ATAD3B: variants seen among roughly 807,000 people sequenced by gnomAD.
The protein encoded by ATAD3B is ATPase family AAA domain containing 3B, also known as ATPase family AAA domain-containing protein 3B.
Under a neutral mutation model 70.2 loss-of-function variants are expected in ATAD3B, and 59 were observed. The observed-to-expected ratio is 0.84, with a 90% CI of 0.68 to 1.04. ATAD3B has a LOEUF of 1.04. Among genes scored for constraint, ATAD3B ranks in the 50% least tolerant of loss-of-function variants. The pLI is 0.00. For synonymous variants in ATAD3B, 423 were observed against 388.6 expected (o/e 1.09, Z -1.04); for missense variants, 961 against 913.4 (o/e 1.05, Z -0.67).
chr1:1,476,666 G>A (rs1639606813), intron 1 of ATAD3B, among the ~76,000 whole-genome samples: 2 of 150,714 alleles, frequency 1.3e-5, no homozygotes, highest in South Asian at 2.1e-4. Flanking sequence ...CCGCCGCCAC[G>A]CCCGGCTAAT....
At chr1:1,503,283 G>A in the ATAD3B span, 11 of 319,656 alleles carry the variant, frequency 3.4e-5, no homozygotes, top group South Asian at 1.4e-4. Flanking sequence ...TTTACCCATC[G>A]CCTGACTTTG....
chr1:1,501,209 G>A (rs1034547304), downstream of ATAD3B, among the ~76,000 whole-genome samples: 6 of 150,162 alleles, frequency 4.0e-5, no homozygotes, highest in African/African-American at 1.2e-4. Flanking sequence ...CTGCCTCAGC[G>A]TCCTGAGTAG....
chr1:1,492,782 TAAA>T (rs1344837800), intron 15 of ATAD3B, among the ~76,000 whole-genome samples: 1 of 151,222 alleles, frequency 6.6e-6, no homozygotes, highest in Non-Finnish European at 1.5e-5. Flanking sequence ...TACTAAAAAA[TAAA>T]AAAATTATCC....
intron 1 of ATAD3B, among the ~76,000 whole-genome samples, chr1:1,472,763 G>A (rs938840733): frequency 2.0e-5 from 3 of 152,056 alleles, no homozygotes; most frequent in Admixed American, 2.0e-4. Context: ...CTAGGAGTCT[G>A]GAACGTAGAA....
intron 1 of ATAD3B, among the ~76,000 whole-genome samples, chr1:1,474,807 G>T (rs1410977834): frequency 6.6e-6 from 1 of 151,840 alleles, no homozygotes; most frequent in Non-Finnish European, 1.5e-5. Flanking sequence ...GGCCTTCCTC[G>T]GTAATTTTAA....
At chr1:1,499,146 T>C (rs1274066801), downstream of ATAD3B, among the ~76,000 whole-genome samples, 2 of 151,540 alleles carry the variant, frequency 1.3e-5, no homozygotes, top group Admixed American at 1.3e-4. Context: ...TAATTTTTTG[T>C]ATTTTTAGTA....
At chr1:1,503,754 G>A in the ATAD3B span, 3 of 1,557,620 alleles carry the variant, frequency 1.9e-6, no homozygotes, top group Non-Finnish European at 1.7e-6. Flanking sequence ...TAGGGCTGGT[G>A]GCATGTACAT....
At chr1:1,499,865 A>T (rs1187060220), downstream of ATAD3B, among the ~76,000 whole-genome samples, 2 of 149,428 alleles carry the variant, frequency 1.3e-5, no homozygotes, top group Non-Finnish European at 3.0e-5. Flanking sequence ...AAGTGCCGGG[A>T]TTACAGGCGT....
At chr1:1,490,174 C>A in intron 13 of ATAD3B, 83 bp from the exon 14 acceptor site, 1 of 1,548,822 alleles carries the variant, frequency 6.5e-7, no homozygotes. Context: ...AAAGTCTCCC[C>A]GAGGGGGCTG....
chr1:1,475,974 T>C (rs1306063985), intron 1 of ATAD3B, among the ~76,000 whole-genome samples: 2 of 149,848 alleles, frequency 1.3e-5, no homozygotes, highest in East Asian at 2.0e-4. Context: ...TTCCTGTCAC[T>C]GCTCTGTGGC....
Position 1,480,883 on chromosome 1 carries a change from A to C in ATAD3B, c.461A>C (p.Glu154Ala). The change falls in exon 5 of 16, where the codon GAG becomes GCG. Residue 154 changes from glutamate to alanine, a missense_variant. Coordinates refer to ENST00000673477, the MANE Select transcript of ATAD3B (RefSeq NM_031921.6). ...QLKQQQLLNE[E>A]NLRKQEESVQ... ...TCTTCTCAGCAACTTCTCAATGAGGAGAATTTACGGAAGCAGGAGGAGTCC... is the reference window on the plus strand; with the variant it reads ...TCTTCTCAGCAACTTCTCAATGAGGCGAATTTACGGAAGCAGGAGGAGTCC... 1 of 1,593,346 alleles carries C rather than the reference A, an allele frequency of 6.3e-7. No homozygotes were observed. Among genetic ancestry groups the C allele is most frequent in the Non-Finnish European group, 8.5e-7 (1 of 1,171,876 alleles).
the ATAD3B span, among the ~76,000 whole-genome samples, chr1:1,508,879 C>G: frequency 1.3e-5 from 2 of 151,670 alleles, no homozygotes. Flanking sequence ...ACGGCTGAGA[C>G]ACGCAGAGGG....
In ATAD3B at chr1:1,479,884, G is replaced by A. The variant is rs1355829138; in HGVS notation, c.444+776G>A. On this transcript the variant is annotated intron_variant, in intron 4 of 15. Coordinates refer to ENST00000673477, the MANE Select transcript of ATAD3B (RefSeq NM_031921.6). Reference sequence around the variant, plus strand: ...CGGGCCTGCACACACACCCCCACACGGGCATGCACACGCCCACACACACGG... The same window carrying A: ...CGGGCCTGCACACACACCCCCACACAGGCATGCACACGCCCACACACACGG... Among the ~76,000 whole-genome samples the A allele has an allele frequency of 1.6e-4, 21 of 127,736 alleles. 2 individuals carry two copies. Among genetic ancestry groups the A allele is most frequent in the African/African-American group, 5.2e-4 (17 of 32,636 alleles). 83.8% of individuals were successfully genotyped at this position (127,736 alleles called of 152,430 possible).
chr1:1,490,039 G>T, intron 13 of ATAD3B: 1 of 1,396,410 alleles, frequency 7.2e-7, no homozygotes, highest in Non-Finnish European at 9.3e-7. Context: ...GGCAAGAACA[G>T]AGGCCCGAGA....
At chr1:1,476,013 G>C (rs1353739107) in intron 1 of ATAD3B, among the ~76,000 whole-genome samples, 2 of 148,128 alleles carry the variant, frequency 1.4e-5, no homozygotes, top group East Asian at 4.0e-4. Flanking sequence ...CACACCCTCA[G>C]TCCCCTCGGG....
At chr1:1,486,732 A>G in intron 11 of ATAD3B, 64 bp downstream of exon 11, 1 of 1,479,682 alleles carries the variant, frequency 6.8e-7, no homozygotes, top group South Asian at 1.3e-5. Flanking sequence ...CCTTCTGGGA[A>G]GGGGGTCCAG....
chr1:1,476,314 C>A (rs1161029426), intron 1 of ATAD3B, among the ~76,000 whole-genome samples: 1 of 148,626 alleles, frequency 6.7e-6, no homozygotes, highest in Non-Finnish European at 1.5e-5. Context: ...CGGCACTTCC[C>A]CCTGCGTCAG....
intron 14 of ATAD3B, 67 bp downstream of exon 14, chr1:1,490,491 T>C (rs762536872): frequency 1.2e-6 from 2 of 1,611,092 alleles, no homozygotes; most frequent in East Asian, 2.2e-5. Flanking sequence ...GCCAGCTGCC[T>C]GTCTTCCGGC....
chr1:1,506,406 CT>C, the ATAD3B span, among the ~76,000 whole-genome samples: 94 of 144,132 alleles, frequency 6.5e-4, no homozygotes, highest in Non-Finnish European at 6.7e-4. Flanking sequence ...GTCTGGTTTT[CT>C]TTTTTTTTTT....
Sources: gnomAD v4.1 joint callset for allele counts (sites outside exome capture counted in the v4.1 genomes callset) on GRCh38, gnomAD v4.1.1 for gene constraint, MANE v1.5 for transcripts, NCBI Gene and HGNC (gene_info 2026-07-23, HGNC 2026-07-21) for gene names.